The following SFRP4 variants were observed in gnomAD, a reference collection of about 807,000 sequenced individuals.
SFRP4 encodes secreted frizzled-related protein 4.
A neutral mutation model predicts 36.3 loss-of-function variants in SFRP4; 25 were observed. That is an observed-to-expected ratio of 0.69 (90% CI 0.50 to 0.96). The LOEUF (loss-of-function observed/expected upper bound fraction) is 0.96. Among genes scored for constraint, SFRP4 ranks in the 40% least tolerant of loss-of-function variants. The pLI is 0.00. For missense variants in SFRP4, 487 were observed against 459.6 expected (o/e 1.06, Z -0.54); for synonymous variants, 182 against 168.8 (o/e 1.08, Z -0.60).
rs1350361678 is a variant in SFRP4, at chr7:37,912,305, T to A, written c.605A>T (p.Lys202Ile). The change falls in exon 4 of 6, where the codon AAA (lysine) becomes ATA (isoleucine). Residue 202 changes from lysine to isoleucine, a missense_variant. Lys to Ile is a moderately radical substitution (Grantham distance 102). Transcript: ENST00000436072. ...SKNYSYVIHA[K>I]IKAVQRSGCN... ...GCCACTCCTCTGCACAGCTTTTATT[T>A]TGGCATGAATAACTGCAATTTAAAA... is the stretch of plus-strand genomic sequence containing the variant. 1 of 1,613,668 alleles carries A rather than the reference T, an allele frequency of 6.2e-7. No homozygotes were observed. Among genetic ancestry groups the A allele is most frequent in the Non-Finnish European group, 8.5e-7 (1 of 1,179,620 alleles).
Position 37,916,767 on chromosome 7 carries a change from G to T in SFRP4, c.-230C>A, listed in dbSNP as rs868824332. The T allele has an allele frequency of 9.4e-6, 6 of 640,232 alleles. No individual in the cohort carries two copies. Among genetic ancestry groups the T allele is most frequent in the Middle Eastern group, 4.3e-4 (1 of 2,328 alleles). 39.7% of individuals were successfully genotyped at this position (640,232 alleles called of 1,614,324 possible). Reference sequence around the variant, plus strand: ...CGCCAGCTCTCAGCCTTCGGGGCGCGAACCCGCCCGGGCAGCTCCAGTCCC... The same window carrying T: ...CGCCAGCTCTCAGCCTTCGGGGCGCTAACCCGCCCGGGCAGCTCCAGTCCC... On this transcript the variant is annotated 5_prime_UTR_variant, in exon 1 of 6. Transcript: ENST00000436072. This position sits in a 1 kb window ranked among gnomAD's most constrained non-coding sequence, Gnocchi z 4.1.
At chr7:37,915,736 G>A (rs922469861) in intron 1 of SFRP4, among the ~76,000 whole-genome samples, 6 of 151,994 alleles carry the variant, frequency 3.9e-5, no homozygotes, top group Admixed American at 2.0e-4. Context: ...GATTATTTTG[G>A]GCATTAAATG....
Position 37,914,285 on chromosome 7 carries a change from A to T in SFRP4, c.527-7T>A. 5 of 1,614,176 alleles carry T rather than the reference A, an allele frequency of 3.1e-6. No individual in the cohort carries two copies. The highest frequency in any genetic ancestry group is 2.5e-6 in the Non-Finnish European group (3 of 1,179,966). ...TTTTTACACTTGCACCGATCTAAAA[A>T]AGGCAGAAGAGGCAGAAAGTTGGAA... On this transcript the variant is annotated splice_polypyrimidine_tract_variant and splice_region_variant and intron_variant, in intron 2 of 5. Transcript: ENST00000436072.
intron 5 of SFRP4, among the ~76,000 whole-genome samples, chr7:37,909,045 G>C (rs1302057784): frequency 6.6e-6 from 1 of 151,918 alleles, no homozygotes; most frequent in Non-Finnish European, 1.5e-5. Context: ...TCTTTAGATT[G>C]GTATAATTTC....
Position 37,914,112 on chromosome 7 carries a change from T to C in SFRP4, c.592+101A>G, listed in dbSNP as rs577131520. The C allele has an allele frequency of 1.5e-4, 133 of 881,166 alleles. No individual in the cohort carries two copies. In the East Asian group the frequency reaches 3.3e-3, roughly 22 times the overall value. 54.6% of individuals were successfully genotyped at this position (881,166 alleles called of 1,614,324 possible). On this transcript the variant is annotated intron_variant, in intron 3 of 5. Coordinates refer to ENST00000436072, the MANE Select transcript of SFRP4 (RefSeq NM_003014.4). ...TGGAAAAATAGTCAACCTTTTGTTTTCTTTACTTTGTGACTAGCTTTAGTG... is the reference window on the plus strand; with the variant it reads ...TGGAAAAATAGTCAACCTTTTGTTTCCTTTACTTTGTGACTAGCTTTAGTG...
Position 37,914,429 on chromosome 7 carries a change from G to C in SFRP4, c.470C>G (p.Pro157Arg). 1.2e-6 allele frequency: 2 copies of C among 1,613,894 alleles called. No homozygotes were observed. Among genetic ancestry groups the C allele is most frequent in the Non-Finnish European group, 1.7e-6 (2 of 1,179,740 alleles). Residue 157 changes from proline to arginine, a missense_variant, in exon 2 of 6, where the codon CCA becomes CGA. Transcript: ENST00000436072. ...AGGCCTTTCCTGTACCATCATGTCT[G>C]GTGTGATGTCTATCCACTTAACATC... ...PEDVKWIDIT[P>R]DMMVQERPLD... is the part of the protein sequence containing the mutation.
At position 37,907,732 on chromosome 7, in the gene SFRP4, A is replaced by G. The variant is rs1785420506; in HGVS notation, c.856-68T>C. On this transcript the variant is annotated intron_variant, in intron 5 of 5. Transcript: ENST00000436072. The stretch of plus-strand genomic sequence containing the variant: ...CCTTTATGGTGCTCAGCTAATGTGA[A>G]AATTAAGGCAAGTTTTTCACTGTAA... The G allele has an allele frequency of 2.1e-5, 25 of 1,187,036 alleles. No homozygotes were observed. The South Asian group carries it at 3.7e-4, about 17-fold the overall frequency. The allele number at this position is 1,187,036 out of a possible 1,614,324, so 73.5% of individuals were successfully genotyped here. A position where few individuals can be genotyped will look rare whatever the true frequency, so the allele number is the denominator to read the frequency against.
intron 4 of SFRP4, 121 bp from the exon 5 acceptor site, chr7:37,909,801 A>G: frequency 1.9e-6 from 1 of 520,882 alleles, no homozygotes; most frequent in Non-Finnish European, 3.4e-6. Flanking sequence ...TCCACCATTT[A>G]TATTTTATTG....
rs1227034616 is a variant in SFRP4 at position 37,909,665 on chromosome 7, T to A, written c.807A>T (p.Glu269Asp). Residue 269 changes from glutamate (E) to aspartate (D), a missense_variant, in exon 5 of 6, where the codon GAA (glutamate) becomes GAT (aspartate). Transcript: ENST00000436072. ...YEWRSRMMLLENCLVEKWRDQ... is the reference protein window; with the variant it reads ...YEWRSRMMLLDNCLVEKWRDQ... ...CTCTCCATTTTTCAACTAAGCAATT[T>A]TCAAGAAGCATCATCCTGAAAAAAA... The A allele has an allele frequency of 6.3e-7, 1 of 1,581,790 alleles. No homozygotes were observed. The highest frequency in any genetic ancestry group is 8.6e-7 in the Non-Finnish European group (1 of 1,161,428).
In SFRP4 at chr7:37,907,308, A is replaced by G; in HGVS notation, c.*171T>C. ...CCACTATGGCTTGTGATGGCTTACAAAGAAAAACTGAAGCATAGCCTTAAG... is the reference window on the plus strand; with the variant it reads ...CCACTATGGCTTGTGATGGCTTACAGAGAAAAACTGAAGCATAGCCTTAAG... On this transcript the variant is annotated 3_prime_UTR_variant, in exon 6 of 6. Transcript: ENST00000436072. 3.6e-6 allele frequency: 2 copies of G among 560,150 alleles called. No individual in the cohort carries two copies. Among genetic ancestry groups the G allele is most frequent in the South Asian group, 3.0e-5 (1 of 33,094 alleles). 34.7% of individuals were successfully genotyped at this position (560,150 alleles called of 1,614,324 possible).
chr7:37,912,012 A>G (rs1583654502), intron 4 of SFRP4, 107 bp downstream of exon 4: 1 of 809,846 alleles, frequency 1.2e-6, no homozygotes. Context: ...AATTTTTTTA[A>G]AAAGACTTTG....
Position 37,912,202 on chromosome 7 carries a change from CGGGACTTGAGTTCGA to C in SFRP4, c.693_707del (p.Arg232_Pro236del). ...ACTGGCAAGAAGAATTTGTAATGAG[CGGGACTTGAGTTCGA>C]GGGATGGGTGATGAGGACTTGAAGA... On this transcript the variant is annotated inframe_deletion, in exon 4 of 6. Coordinates refer to ENST00000436072, the MANE Select transcript of SFRP4 (RefSeq NM_003014.4). 6.2e-7 allele frequency: 1 copy of C among 1,614,026 alleles called. No individual in the cohort carries two copies. The highest frequency in any genetic ancestry group is 1.3e-5 in the African/African-American group (1 of 75,014).
intron 1 of SFRP4, among the ~76,000 whole-genome samples, chr7:37,915,255 A>G (rs1448052668): frequency 6.6e-6 from 1 of 152,220 alleles, no homozygotes; most frequent in African/African-American, 2.4e-5. Context: ...TTTCTTTCCT[A>G]AAACTCTAAA....
At chr7:37,913,044 G>T (rs1162621076) in intron 3 of SFRP4, among the ~76,000 whole-genome samples, 3 of 152,102 alleles carry the variant, frequency 2.0e-5, no homozygotes, top group Admixed American at 2.0e-4. Flanking sequence ...CTTCATCAAG[G>T]TCGTTCAAAG....
chr7:37,913,349 C>T (rs1015227511), intron 3 of SFRP4, among the ~76,000 whole-genome samples: 1 of 152,018 alleles, frequency 6.6e-6, no homozygotes, highest in African/African-American at 2.4e-5. Context: ...AAGTTTCTTA[C>T]TGATATAAAA....
rs1016795843 is a variant in SFRP4, at chr7:37,916,206, A to C, written c.332T>G (p.Leu111Arg). The change falls in exon 1 of 6, where the codon CTC becomes CGC. Residue 111 changes from leucine to arginine, a missense_variant. Physicochemically the swap from Leu to Arg is moderately radical, Grantham distance 102 (BLOSUM62 -2). Transcript: ENST00000436072. This position sits in a 1 kb window ranked among gnomAD's most constrained non-coding sequence, Gnocchi z 4.1. ...CQRARDDCEP[L>R]MKMYNHSWPE... is the part of the protein sequence containing the mutation. Reference sequence around the variant, plus strand: ...CCAGCTGTGGTTGTACATCTTCATGAGGGGCTCGCAGTCGTCGCGCGCGCG... The same window carrying C: ...CCAGCTGTGGTTGTACATCTTCATGCGGGGCTCGCAGTCGTCGCGCGCGCG... The C allele has an allele frequency of 6.2e-7, 1 of 1,614,078 alleles. No individual in the cohort carries two copies. Among genetic ancestry groups the C allele is most frequent in the East Asian group, 2.2e-5 (1 of 44,858 alleles).
chr7:37,911,694 A>C (rs1304047737), intron 4 of SFRP4, among the ~76,000 whole-genome samples: 2 of 152,174 alleles, frequency 1.3e-5, no homozygotes, highest in Non-Finnish European at 2.9e-5. Flanking sequence ...ACTCTATCAA[A>C]TATTATGAAG....
chr7:37,914,807 G>A (rs917277239), intron 1 of SFRP4, among the ~76,000 whole-genome samples: 6 of 152,332 alleles, frequency 3.9e-5, no homozygotes, highest in Middle Eastern at 3.4e-3. Context: ...GAAGGTTGCC[G>A]TGAGCTGAGA....
Position 37,916,296 on chromosome 7 carries a change from T to C in SFRP4, c.242A>G (p.Tyr81Cys), listed in dbSNP as rs779848423. ...AVLRFFLCAM[Y>C]APICTLEFLH... is the part of the protein sequence containing the mutation. ...GAACTCCAGGGTGCAAATGGGCGCG[T>C]ACATGGCACAGAGGAAGAAGCGCAG... is the stretch of plus-strand genomic sequence containing the variant. Residue 81 changes from tyrosine (Y) to cysteine (C), a missense_variant, in exon 1 of 6, where the codon TAC (tyrosine) becomes TGC (cysteine). By Grantham distance (194) the Tyr-to-Cys change is radical. Coordinates refer to ENST00000436072, the MANE Select transcript of SFRP4 (RefSeq NM_003014.4). This position sits in a 1 kb window ranked among gnomAD's most constrained non-coding sequence, Gnocchi z 4.1. The C allele has an allele frequency of 6.2e-7, 1 of 1,614,172 alleles. No individual in the cohort carries two copies. Among genetic ancestry groups the C allele is most frequent in the Non-Finnish European group, 8.5e-7 (1 of 1,180,028 alleles).
Sources: allele counts gnomAD v4.1 joint callset (sites outside exome capture counted in the v4.1 genomes callset), GRCh38; gene constraint gnomAD v4.1.1; non-coding constraint Gnocchi (gnomAD v3.1); transcripts MANE v1.5; gene names NCBI Gene and HGNC (gene_info 2026-07-23, HGNC 2026-07-21).